The following LRRN4 variants were observed in gnomAD, a reference collection of about 807,000 sequenced individuals.
LRRN4 encodes the protein leucine rich repeat neuronal 4.
Under a neutral mutation model 22.3 loss-of-function variants are expected in LRRN4, and 26 were observed. The ratio of observed to expected loss-of-function variants is 1.16; its 90% confidence interval spans 0.85 to 1.62. The LOEUF (loss-of-function observed/expected upper bound fraction) is 1.62. Ranked by LOEUF, LRRN4 falls within the 40% of genes most tolerant of loss-of-function variation. LRRN4 has a pLI of 0.00. For synonymous variants in LRRN4, 496 were observed against 486.2 expected, an observed-to-expected ratio of 1.02 and a Z score of -0.26; for missense variants, 1,070 against 1,008.5, an observed-to-expected ratio of 1.06 and a Z score of -0.83.
Position 6,040,882 on chromosome 20 carries a change from A to G in LRRN4, c.*140T>C, listed in dbSNP as rs1212510951. On this transcript the variant is annotated 3_prime_UTR_variant, in exon 5 of 5. Coordinates refer to ENST00000378858, the MANE Select transcript of LRRN4 (RefSeq NM_152611.5). The stretch of plus-strand genomic sequence containing the variant: ...CTTGGACCCAGACACTCAGTGTGGC[A>G]AGTTCCATGTGTGCTCAAGGCATTC... 7.8e-6 allele frequency: 9 copies of G among 1,147,232 alleles called. No homozygotes were observed. Among genetic ancestry groups the G allele is most frequent in the Non-Finnish European group, 1.1e-5 (9 of 820,024 alleles). 71.1% of individuals were successfully genotyped at this position (1,147,232 alleles called of 1,614,324 possible).
chr20:6,051,656 C>T (rs1981248787), intron 2 of LRRN4, among the ~76,000 whole-genome samples: 1 of 152,204 alleles, frequency 6.6e-6, no homozygotes, highest in Non-Finnish European at 1.5e-5. Flanking sequence ...TTTGCCCAAC[C>T]AGGTAGAAAA....
At chr20:6,052,106 C>G (rs760786189) in intron 2 of LRRN4, 39 bp downstream of exon 2, 3 of 1,547,914 alleles carry the variant, frequency 1.9e-6, no homozygotes, top group Non-Finnish European at 2.6e-6. Flanking sequence ...CCTGGCTCTG[C>G]GCTCAGGCCG....
intron 4 of LRRN4, 59 bp downstream of exon 4, chr20:6,044,484 A>G: frequency 7.4e-7 from 1 of 1,351,318 alleles, no homozygotes; most frequent in Non-Finnish European, 9.6e-7. Context: ...AAGCTGGAGA[A>G]CTTCAGCTCC....
Position 6,052,481 on chromosome 20 carries a change from G to C in LRRN4, c.319C>G (p.Arg107Gly), listed in dbSNP as rs1981281641. The C allele has an allele frequency of 2.5e-6, 4 of 1,571,412 alleles. No homozygotes were observed. The highest frequency in any genetic ancestry group is 3.4e-6 in the Non-Finnish European group (4 of 1,167,568). Residue 107 changes from arginine (R) to glycine (G), a missense_variant, in exon 2 of 5, where the codon CGC (arginine) becomes GGC (glycine). By Grantham distance (125) the Arg-to-Gly change is moderately radical. Transcript: ENST00000378858. ...CGCAGCGCGGCGATGCGGTTGTGGC[G>C]CAGGGTCAGCACCTGCAGCTGCTCC... is the stretch of plus-strand genomic sequence containing the variant. ...HLEQLQVLTL[R>G]HNRIAALRWG...
intron 3 of LRRN4, among the ~76,000 whole-genome samples, chr20:6,048,137 G>A (rs1451917249): frequency 6.6e-6 from 1 of 152,118 alleles, no homozygotes; most frequent in African/African-American, 2.4e-5. Flanking sequence ...ATTCTCAGCT[G>A]ACTAGGGCTC....
At chr20:6,043,784 C>T (rs1454955945) in intron 4 of LRRN4, among the ~76,000 whole-genome samples, 4 of 152,072 alleles carry the variant, frequency 2.6e-5, no homozygotes, top group African/African-American at 4.8e-5. Flanking sequence ...GTGGCTTGCA[C>T]CTCTGGTCCC....
At chr20:6,053,513 G>A (rs1040578427) in intron 1 of LRRN4, among the ~76,000 whole-genome samples, 1 of 152,120 alleles carries the variant, frequency 6.6e-6, no homozygotes, top group Admixed American at 6.5e-5. Context: ...TGCTAGTTGT[G>A]GAATTTCTGG....
chr20:6,052,205 C>T lies in LRRN4; in HGVS notation c.595G>A (p.Asp199Asn), dbSNP rs755712028. 1.4e-5 allele frequency: 23 copies of T among 1,594,610 alleles called. No homozygotes were observed. In the South Asian group the frequency reaches 2.4e-4, roughly 17 times the overall value. ...GIAEAAFAGEDGAPLVTLEVL... is the reference protein window; with the variant it reads ...GIAEAAFAGENGAPLVTLEVL... ...TCGAGCGTGACCAGGGGCGCGCCAT[C>T]CTCTCCAGCGAACGCCGCCTCGGCG... The change falls in exon 2 of 5, where the codon GAT (aspartate) becomes AAT (asparagine). Residue 199 changes from aspartate to asparagine, a missense_variant. Asp to Asn is a conservative substitution (Grantham distance 23). Transcript: ENST00000378858.
At position 6,044,611 on chromosome 20, in the gene LRRN4, GC is replaced by G; in HGVS notation, c.929del (p.Gly310AlafsTer22). 1 of 1,595,016 alleles carries G rather than the reference GC, an allele frequency of 6.3e-7. No homozygotes were observed. Among genetic ancestry groups the G allele is most frequent in the Non-Finnish European group, 8.5e-7 (1 of 1,170,834 alleles). Reference protein sequence around the residue: ...SSQVLSINLFGNPLTCSCDLS... With the variant: ...SSQVLSINLFXNPLTCSCDLS... Reference sequence around the variant, plus strand: ...AGTCACAACTGCAAGTGAGGGGGTTGCCAAAGAGGTTGATCGATAGGACCTG... The same window carrying G: ...AGTCACAACTGCAAGTGAGGGGGTTGCAAAGAGGTTGATCGATAGGACCTG... On this transcript the variant is annotated frameshift_variant, in exon 4 of 5. Coordinates refer to ENST00000378858, the MANE Select transcript of LRRN4 (RefSeq NM_152611.5). LOFTEE classifies it high-confidence loss of function.
Position 6,044,651 on chromosome 20 carries a change from G to A in LRRN4, c.890C>T (p.Thr297Ile). The part of the protein sequence containing the change: ...NCNLSSFPPW[T>I]LDSSQVLSIN... ...CGATAGGACCTGGGAGGAATCCAGGGTCCAAGGAGGGAAGGAACTCAAGTT... is the reference window on the plus strand; with the variant it reads ...CGATAGGACCTGGGAGGAATCCAGGATCCAAGGAGGGAAGGAACTCAAGTT... Residue 297 changes from threonine (T) to isoleucine (I), a missense_variant, in exon 4 of 5, where the codon ACC becomes ATC. Thr to Ile is a moderately conservative substitution (Grantham distance 89, BLOSUM62 -1). Coordinates refer to ENST00000378858, the MANE Select transcript of LRRN4 (RefSeq NM_152611.5). 1 of 1,562,110 alleles carries A rather than the reference G, an allele frequency of 6.4e-7. No homozygotes were observed.
chr20:6,047,789 CAA>C (rs11333545), intron 3 of LRRN4, among the ~76,000 whole-genome samples: 95 of 139,524 alleles, frequency 6.8e-4, no homozygotes, highest in South Asian at 3.3e-3. Context: ...GACTCCATCT[CAA>C]AAAAAAAAAA....
intron 3 of LRRN4, among the ~76,000 whole-genome samples, chr20:6,046,589 T>A (rs960032375): frequency 1.3e-5 from 2 of 148,682 alleles, no homozygotes; most frequent in African/African-American, 4.9e-5. Context: ...AGCTGCATTT[T>A]ACATTCAAGT....
intron 4 of LRRN4, 76 bp from the exon 5 acceptor site, chr20:6,042,322 C>T: frequency 1.4e-6 from 2 of 1,471,324 alleles, no homozygotes; most frequent in Non-Finnish European, 9.0e-7. Context: ...ATCCTCATTG[C>T]CGACGTCACC....
Position 6,052,301 on chromosome 20 carries a change from C to A in LRRN4, c.499G>T (p.Ala167Ser), listed in dbSNP as rs1326558755. 2 of 1,533,052 alleles carry A rather than the reference C, an allele frequency of 1.3e-6. No individual in the cohort carries two copies. The highest frequency in any genetic ancestry group is 1.2e-5 in the South Asian group (1 of 83,030). 95.0% of individuals were successfully genotyped at this position (1,533,052 alleles called of 1,614,324 possible). The change falls in exon 2 of 5, where the codon GCC becomes TCC. Residue 167 changes from alanine (A) to serine (S), a missense_variant. Physicochemically the swap from Ala to Ser is moderately conservative, Grantham distance 99 (BLOSUM62 1). Transcript: ENST00000378858. ...AGGAGCTGCAGCGCGGGGAAGCAGG[C>A]GAAGGCCCGGGGCTGCAGCGCCCGC... ...PLRALQPRAFACFPALQLLNL... is the reference protein window; with the variant it reads ...PLRALQPRAFSCFPALQLLNL...
In LRRN4 at chr20:6,052,617, C is replaced by T. The variant is rs1410802432; in HGVS notation, c.183G>A (p.Leu61=). The change falls in exon 2 of 5, where the codon CTG becomes CTA. Residue 61 remains leucine, a synonymous_variant. Transcript: ENST00000378858. ...GCAGGCGCTCCAGGTTGCGGTTCGC[C>T]AGGGTCAAGGCCGTCGCATCCGCGG... ...LPAADATALT[L]ANRNLERLPG... is the part of the protein sequence containing the mutation. 6 of 1,588,818 alleles carry T rather than the reference C, an allele frequency of 3.8e-6. No individual in the cohort carries two copies. In the East Asian group the frequency reaches 1.4e-4, roughly 36 times the overall value.
In LRRN4 at chr20:6,040,675, C is replaced by T. The variant is rs115327092; in HGVS notation, c.*347G>A. 7.7e-3 allele frequency: 1,778 copies of T among 231,842 alleles called. 36 individuals carry two copies. The highest frequency in any genetic ancestry group is 0.038 in the African/African-American group (1,656 of 43,324). The allele number at this position is 231,842 out of a possible 1,614,324, so 14.4% of individuals were successfully genotyped here. On this transcript the variant is annotated 3_prime_UTR_variant, in exon 5 of 5. Transcript: ENST00000378858. The stretch of plus-strand genomic sequence containing the variant: ...TCAAAGAGGCTGGGTTATGCAACTT[C>T]TCTGTTTCATCCCTTCCTACGTCCA...
chr20:6,041,748 G>A lies in LRRN4; in HGVS notation c.1497C>T (p.Pro499=), dbSNP rs200296074. The A allele has an allele frequency of 1.9e-6, 3 of 1,613,906 alleles. No individual in the cohort carries two copies. The highest frequency in any genetic ancestry group is 1.1e-5 in the South Asian group (1 of 91,070). Residue 499 remains proline, a synonymous_variant, in exon 5 of 5, where the codon CCC becomes CCT. Coordinates refer to ENST00000378858, the MANE Select transcript of LRRN4 (RefSeq NM_152611.5). This position sits in a 1 kb window ranked among gnomAD's most constrained non-coding sequence, Gnocchi z 9.4. ...SWDRSISSPQ[P]GQRTHATPQA... ...GGGGTGTGGCGTGTGTCCTCTGGCC[G>A]GGCTGAGGCGAGCTTATGCTGCGGT... is the stretch of plus-strand genomic sequence containing the variant.
Position 6,044,657 on chromosome 20 carries a change from G to A in LRRN4, c.884C>T (p.Pro295Leu), listed in dbSNP as rs1981060920. ...FQNCNLSSFP[P>L]WTLDSSQVLS... The stretch of plus-strand genomic sequence containing the variant: ...GACCTGGGAGGAATCCAGGGTCCAA[G>A]GAGGGAAGGAACTCAAGTTGCAGCT... The change falls in exon 4 of 5, where the codon CCT becomes CTT. Residue 295 changes from proline to leucine, a missense_variant. By Grantham distance (98) the Pro-to-Leu change is moderately conservative. Transcript: ENST00000378858. 6.4e-7 allele frequency: 1 copy of A among 1,556,236 alleles called. No individual in the cohort carries two copies. Among genetic ancestry groups the A allele is most frequent in the Non-Finnish European group, 8.7e-7 (1 of 1,154,396 alleles).
intron 3 of LRRN4, among the ~76,000 whole-genome samples, chr20:6,046,345 C>T (rs1392811558): frequency 1.3e-5 from 2 of 148,180 alleles, no homozygotes; most frequent in African/African-American, 4.9e-5. Context: ...GGAGGAGCTG[C>T]AGTCATGTTG....
Sources: allele counts gnomAD v4.1 joint callset (sites outside exome capture counted in the v4.1 genomes callset), GRCh38; gene constraint gnomAD v4.1.1; non-coding constraint Gnocchi (gnomAD v3.1); transcripts MANE v1.5; gene names NCBI Gene and HGNC (gene_info 2026-07-23, HGNC 2026-07-21).